The following ACER3 variants were observed in gnomAD, a reference collection of about 807,000 sequenced individuals.
ACER3 encodes alkCDase 3.
A neutral mutation model predicts 48.9 loss-of-function variants in ACER3; 16 were observed. The ratio of observed to expected loss-of-function variants is 0.33; its 90% CI spans 0.22 to 0.50. ACER3 has a LOEUF of 0.50. Among genes scored for constraint, ACER3 ranks in the 20% least tolerant of loss-of-function variants. The pLI is 0.98. For synonymous variants in ACER3, 109 were observed against 107.8 expected (o/e 1.01, Z -0.07); for missense variants, 227 against 326.0 (o/e 0.70, Z 2.34).
At chr11:76,959,843 C>T (rs1053407338) in intron 3 of ACER3, among the ~76,000 whole-genome samples, 3 of 152,028 alleles carry the variant, frequency 2.0e-5, no homozygotes, top group Admixed American at 1.3e-4. Context: ...CATGAGCCAC[C>T]GCACCCGGCC....
At chr11:76,982,423 G>A (rs1397672634) in intron 4 of ACER3, among the ~76,000 whole-genome samples, 1 of 151,962 alleles carries the variant, frequency 6.6e-6, no homozygotes, top group Admixed American at 6.6e-5. Context: ...CACCATGTTG[G>A]CCAGGATGGT....
At chr11:76,889,184 A>G (rs1187249999) in intron 1 of ACER3, among the ~76,000 whole-genome samples, 1 of 151,974 alleles carries the variant, frequency 6.6e-6, no homozygotes, top group African/African-American at 2.4e-5. Context: ...CCAACCTCCT[A>G]TGGTACTGAG....
At chr11:77,013,786 A>C (rs1350996298) in intron 7 of ACER3, among the ~76,000 whole-genome samples, 1 of 152,254 alleles carries the variant, frequency 6.6e-6, no homozygotes, top group Non-Finnish European at 1.5e-5. Flanking sequence ...GTGAATGTTC[A>C]TAGCTGCTTT....
Position 76,881,254 on chromosome 11 carries a change from C to CA in ACER3, c.103+20192dup, listed in dbSNP as rs5792745. Among the ~76,000 whole-genome samples the CA allele has an allele frequency of 1.3e-3, 156 of 116,476 alleles. 1 individual carries two copies. The highest frequency in any genetic ancestry group is 4.0e-3 in the African/African-American group (110 of 27,708). The allele number at this position is 116,476 out of a possible 152,430, so 76.4% of individuals were successfully genotyped here. A position where few individuals can be genotyped will look rare whatever the true frequency, so the allele number is the denominator to read the frequency against. ...TGGATGACAGAGTAAGATAATGTCT[C>CA]AAAAAAAAAAAAAAAAAGTAGAATT... On this transcript the variant is annotated intron_variant, in intron 1 of 10. Coordinates refer to ENST00000532485, the MANE Select transcript of ACER3 (RefSeq NM_018367.7).
intron 4 of ACER3, among the ~76,000 whole-genome samples, chr11:76,984,536 AGT>A (rs1480316747): frequency 6.6e-6 from 1 of 152,198 alleles, no homozygotes; most frequent in Non-Finnish European, 1.5e-5. Flanking sequence ...GCCTATACCA[AGT>A]CACAGTCCTC....
intron 1 of ACER3, among the ~76,000 whole-genome samples, chr11:76,899,339 T>G (rs1411561833): frequency 6.6e-6 from 1 of 152,244 alleles, no homozygotes; most frequent in African/African-American, 2.4e-5. Flanking sequence ...AGCAGATAAC[T>G]TTCTTAATAC....
intron 3 of ACER3, 191 bp downstream of exon 3, chr11:76,959,222 G>GGAA: frequency 6.8e-7 from 1 of 1,464,164 alleles, no homozygotes; most frequent in Non-Finnish European, 9.0e-7. Context: ...AGGAAAACAA[G>GGAA]TACAAATAGT....
intron 1 of ACER3, 42 bp from the exon 2 acceptor site, chr11:76,926,515 T>C (rs780520263): frequency 8.2e-7 from 1 of 1,214,954 alleles, no homozygotes; most frequent in South Asian, 1.3e-5. Context: ...TTTAAAGTGT[T>C]ATTGATTAAC....
At chr11:76,967,843 T>C (rs1948180723) in intron 3 of ACER3, among the ~76,000 whole-genome samples, 2 of 152,274 alleles carry the variant, frequency 1.3e-5, no homozygotes, top group South Asian at 4.1e-4. Context: ...TCATACTGAA[T>C]GGGCAAAAAC....
intron 8 of ACER3, among the ~76,000 whole-genome samples, chr11:77,016,096 G>C (rs550973288): frequency 1.3e-4 from 16 of 123,536 alleles, no homozygotes; most frequent in Admixed American, 7.8e-4. Context: ...GACAGAGCAA[G>C]ACTCCGTCTC....
intron 2 of ACER3, among the ~76,000 whole-genome samples, chr11:76,954,668 A>G (rs1406408648): frequency 6.7e-6 from 1 of 150,312 alleles, no homozygotes; most frequent in Non-Finnish European, 1.5e-5. Flanking sequence ...TGGCACAATC[A>G]TGGCTTACTG....
At chr11:76,926,739 GC>G in intron 2 of ACER3, 72 bp downstream of exon 2, 1 of 1,090,456 alleles carries the variant, frequency 9.2e-7, no homozygotes, top group Non-Finnish European at 1.3e-6. Flanking sequence ...ATTTCTAAAA[GC>G]GGTTTTCAAT....
At chr11:76,974,839 C>T (rs1948400795) in intron 3 of ACER3, among the ~76,000 whole-genome samples, 1 of 152,096 alleles carries the variant, frequency 6.6e-6, no homozygotes, top group Non-Finnish European at 1.5e-5. Flanking sequence ...ACCTACATAT[C>T]CACAATACTC....
intron 3 of ACER3, among the ~76,000 whole-genome samples, chr11:76,966,637 C>T (rs1338776924): frequency 6.6e-6 from 1 of 150,744 alleles, no homozygotes; most frequent in South Asian, 2.1e-4. Context: ...CAAACTAGAA[C>T]TCAGGATTAA....
intron 1 of ACER3, among the ~76,000 whole-genome samples, chr11:76,901,156 G>A (rs1946072814): frequency 6.6e-6 from 1 of 151,634 alleles, no homozygotes; most frequent in African/African-American, 2.4e-5. Flanking sequence ...TGGTCCTTCG[G>A]ATCCCCTGAT....
Position 76,911,092 on chromosome 11 carries a change from TC to T in ACER3, c.104-15463del, listed in dbSNP as rs558974336. On this transcript the variant is annotated intron_variant, in intron 1 of 10. Transcript: ENST00000532485. ...TCTTGGATCTTGCGCAAGAAAGAAT[TC>T]CAGGCAAGTCCATGTAAATCGAAAG... Among the ~76,000 whole-genome samples the T allele has an allele frequency of 2.0e-5, 3 of 152,260 alleles. No homozygotes were observed. In the South Asian group the frequency reaches 6.2e-4, roughly 32 times the overall value.
At chr11:76,934,396 C>G (rs1285121497) in intron 2 of ACER3, among the ~76,000 whole-genome samples, 3 of 152,166 alleles carry the variant, frequency 2.0e-5, no homozygotes, top group Non-Finnish European at 4.4e-5. Context: ...AGCCTGGGCA[C>G]CATTGAGCAC....
rs1396270748 is a variant in ACER3, at chr11:77,019,729, A to C, written c.705-2A>C. The C allele has an allele frequency of 6.2e-7, 1 of 1,613,846 alleles. No individual in the cohort carries two copies. The highest frequency in any genetic ancestry group is 8.5e-7 in the Non-Finnish European group (1 of 1,179,882). Reference sequence around the variant, plus strand: ...GCTTTCCCCCTCCCACTTTTCTTTCAGTTTGTATACAAGAACACTTTACCT... The same window carrying C: ...GCTTTCCCCCTCCCACTTTTCTTTCCGTTTGTATACAAGAACACTTTACCT... On this transcript the variant is annotated splice_acceptor_variant, in intron 9 of 10. Transcript: ENST00000532485. LOFTEE classifies it high-confidence loss of function.
chr11:76,901,691 T>C (rs1204648585), intron 1 of ACER3, among the ~76,000 whole-genome samples: 2 of 152,060 alleles, frequency 1.3e-5, no homozygotes, highest in South Asian at 2.1e-4. Flanking sequence ...TCGTGATCGA[T>C]TGAGCAAGCA....
Sources: allele counts gnomAD v4.1 joint callset (sites outside exome capture counted in the v4.1 genomes callset), GRCh38; gene constraint gnomAD v4.1.1; transcripts MANE v1.5; gene names NCBI Gene and HGNC (gene_info 2026-07-23, HGNC 2026-07-21).